PDE6A: variants seen among roughly 807,000 people sequenced by gnomAD.
The protein encoded by PDE6A is phosphodiesterase 6A, also known as rod cGMP-specific 3',5'-cyclic phosphodiesterase subunit alpha.
PDE6A carries 84 observed loss-of-function variants against 106.3 expected under a neutral mutation model. That is an observed-to-expected ratio of 0.79 (90% CI 0.66 to 0.95). The LOEUF is 0.95. PDE6A is among the 40% of genes least tolerant of loss of function. The pLI, the probability that PDE6A is intolerant of heterozygous loss-of-function variation, is 0.00. For synonymous variants in PDE6A, 394 were observed against 386.6 expected (o/e 1.02, Z -0.23); for missense variants, 1,052 against 1,084.9 (o/e 0.97, Z 0.43).
At chr5:149,915,914 G>C (rs2113630385) in intron 5 of PDE6A, among the ~76,000 whole-genome samples, 1 of 152,266 alleles carries the variant, frequency 6.6e-6, no homozygotes, top group South Asian at 2.1e-4. Flanking sequence ...GTCAAAACTT[G>C]CCAGCTCCCC....
chr5:149,917,870 T>C (rs764670350), intron 5 of PDE6A, among the ~76,000 whole-genome samples: 9 of 152,156 alleles, frequency 5.9e-5, no homozygotes, highest in African/African-American at 1.9e-4. Flanking sequence ...AAGCTAATTA[T>C]ATGAAACTGT....
intron 14 of PDE6A, among the ~76,000 whole-genome samples, chr5:149,885,452 C>CCA (rs2113556251): frequency 6.6e-6 from 1 of 152,330 alleles, no homozygotes; most frequent in African/African-American, 2.4e-5. Context: ...CCAATGAGAT[C>CCA]ATGGTTCAAG....
chr5:149,869,329 CAA>C (rs11316552), intron 17 of PDE6A, among the ~76,000 whole-genome samples: 72 of 91,350 alleles, frequency 7.9e-4, no homozygotes, highest in South Asian at 2.1e-3. Flanking sequence ...GACTCCATAT[CAA>C]AAAAAAAAAA....
chr5:149,894,975 G>C (rs1332738279), intron 13 of PDE6A, among the ~76,000 whole-genome samples: 1 of 152,156 alleles, frequency 6.6e-6, no homozygotes. Flanking sequence ...GAGGTTGGGG[G>C]TAGCTTGCAG....
In PDE6A at chr5:149,907,383, G is replaced by A; in HGVS notation, c.999-5C>T. On this transcript the variant is annotated splice_polypyrimidine_tract_variant and splice_region_variant and intron_variant, in intron 6 of 21. Coordinates refer to ENST00000255266, the MANE Select transcript of PDE6A (RefSeq NM_000440.3). ...CAATGGTCAGGAGGTGGATTCCTGT[G>A]AAGGCCAAAGACAAAACGGTGACTC... 1 of 1,613,068 alleles carries A rather than the reference G, an allele frequency of 6.2e-7. No homozygotes were observed. The highest frequency in any genetic ancestry group is 8.5e-7 in the Non-Finnish European group (1 of 1,179,046).
chr5:149,894,659 G>T (rs1027800998), intron 13 of PDE6A, among the ~76,000 whole-genome samples: 3 of 122,896 alleles, frequency 2.4e-5, no homozygotes, highest in Non-Finnish European at 4.8e-5. Flanking sequence ...TTGAGACAGA[G>T]TCTCACTCTG....
intron 1 of PDE6A, among the ~76,000 whole-genome samples, chr5:149,938,662 A>G (rs1199431748): frequency 6.6e-6 from 1 of 152,212 alleles, no homozygotes; most frequent in Non-Finnish European, 1.5e-5. Flanking sequence ...TTTCAGATAA[A>G]CTATAAATAA....
chr5:149,918,479 G>T (rs560482625), intron 5 of PDE6A, among the ~76,000 whole-genome samples: 27 of 152,350 alleles, frequency 1.8e-4, no homozygotes, highest in African/African-American at 6.0e-4. Context: ...AACAGCAGCT[G>T]CTTCACAGGG....
At chr5:149,897,210 A>C (rs180747448) in intron 10 of PDE6A, among the ~76,000 whole-genome samples, 3 of 152,224 alleles carry the variant, frequency 2.0e-5, no homozygotes, top group Admixed American at 2.0e-4. Context: ...ACTGACTGGG[A>C]GTAAGGAGGC....
intron 13 of PDE6A, among the ~76,000 whole-genome samples, chr5:149,889,398 A>C (rs1561717161): frequency 6.6e-6 from 1 of 151,846 alleles, no homozygotes; most frequent in Non-Finnish European, 1.5e-5. Context: ...TCTTTCTATA[A>C]GTATTTAACT....
chr5:149,923,354 C>T (rs567534237), intron 4 of PDE6A, among the ~76,000 whole-genome samples: 36 of 152,070 alleles, frequency 2.4e-4, no homozygotes, highest in African/African-American at 7.5e-4. Flanking sequence ...AAAAATTAGC[C>T]GGGCGTGGTG....
intron 13 of PDE6A, among the ~76,000 whole-genome samples, chr5:149,889,175 A>G (rs1454093096): frequency 6.6e-6 from 1 of 151,736 alleles, no homozygotes; most frequent in Non-Finnish European, 1.5e-5. Flanking sequence ...TCAAAAGTAC[A>G]CTGATGCAAA....
rs1399015433 is a variant in PDE6A at position 149,944,292 on chromosome 5, G to A, written c.382C>T (p.Pro128Ser). 6.2e-7 allele frequency: 1 copy of A among 1,613,974 alleles called. No homozygotes were observed. The highest frequency in any genetic ancestry group is 1.7e-5 in the Admixed American group (1 of 60,010). ...DAVLEDCLVM[P>S]DQEIVFPLDM... is the part of the protein sequence containing the mutation. ...AAAGGGAAGACGATCTCTTGGTCGGGCATCACCAGGCAGTCCTCGAGGACA... is the reference window on the plus strand; with the variant it reads ...AAAGGGAAGACGATCTCTTGGTCGGACATCACCAGGCAGTCCTCGAGGACA... Residue 128 changes from proline to serine, a missense_variant, in exon 1 of 22, where the codon CCC (proline) becomes TCC (serine). Physicochemically the swap from Pro to Ser is moderately conservative, Grantham distance 74 (BLOSUM62 -1). Coordinates refer to ENST00000255266, the MANE Select transcript of PDE6A (RefSeq NM_000440.3).
chr5:149,941,473 C>G (rs568947993), intron 1 of PDE6A, among the ~76,000 whole-genome samples: 49 of 152,156 alleles, frequency 3.2e-4, no homozygotes, highest in Non-Finnish European at 6.5e-4. Context: ...TCAGAACCAC[C>G]AGGAGAATCT....
At chr5:149,887,309 C>T (rs1040042274) in intron 13 of PDE6A, among the ~76,000 whole-genome samples, 6 of 152,076 alleles carry the variant, frequency 3.9e-5, no homozygotes, top group Non-Finnish European at 5.9e-5. Flanking sequence ...CACGAAAGGA[C>T]GAATACTGTA....
chr5:149,882,393 C>A (rs985948285), intron 17 of PDE6A, among the ~76,000 whole-genome samples: 2 of 152,068 alleles, frequency 1.3e-5, no homozygotes, highest in Non-Finnish European at 1.5e-5. Context: ...TCCTAGGCAA[C>A]TAGTCAGCCT....
Position 149,863,327 on chromosome 5 carries a change from G to C in PDE6A, c.2359-61C>G. 1 of 1,563,666 alleles carries C rather than the reference G, an allele frequency of 6.4e-7. No individual in the cohort carries two copies. Among genetic ancestry groups the C allele is most frequent in the Non-Finnish European group, 8.8e-7 (1 of 1,135,748 alleles). ...CAGGCCACAGGGTCTGGGCTCAAGC[G>C]GGTGGCACAGCTGGAAACGTCCAAC... On this transcript the variant is annotated intron_variant, in intron 20 of 21. Transcript: ENST00000255266. The surrounding 1 kb of genome is among the most constrained non-coding windows in gnomAD (Gnocchi z 4.7).
intron 18 of PDE6A, 77 bp from the exon 19 acceptor site, chr5:149,867,876 C>A: frequency 7.1e-7 from 1 of 1,402,612 alleles, no homozygotes. Context: ...ACCCCACTTG[C>A]AATTCCAAAT....
At chr5:149,870,539 T>C (rs1273163223) in intron 17 of PDE6A, among the ~76,000 whole-genome samples, 1 of 152,134 alleles carries the variant, frequency 6.6e-6, no homozygotes, top group Non-Finnish European at 1.5e-5. Context: ...TTCCCAGTGG[T>C]TGCAGAAACA....
Sources: gnomAD v4.1 joint callset for allele counts (sites outside exome capture counted in the v4.1 genomes callset) on GRCh38, gnomAD v4.1.1 for gene constraint, Gnocchi (gnomAD v3.1) non-coding constraint, MANE v1.5 for transcripts, NCBI Gene and HGNC (gene_info 2026-07-23, HGNC 2026-07-21) for gene names.